Variants in SVIL observed in about 807,000 individuals in gnomAD.
SVIL encodes supervillin.
SVIL carries 101 observed loss-of-function variants against 240.4 expected under a neutral mutation model. The observed-to-expected ratio is 0.42, with a 90% CI of 0.36 to 0.50. The LOEUF (loss-of-function observed/expected upper bound fraction) is 0.50. Among genes scored for constraint, SVIL ranks in the 20% least tolerant of loss-of-function variants. The pLI is 0.01. For missense variants in SVIL, 2,512 were observed against 2,818.7 expected, an observed-to-expected ratio of 0.89 and a Z score of 2.46; for synonymous variants, 999 against 1,100.0, an observed-to-expected ratio of 0.91 and a Z score of 1.82.
At chr10:29,504,254 T>A (rs1479138458) in intron 17 of SVIL, among the ~76,000 whole-genome samples, 1 of 152,202 alleles carries the variant, frequency 6.6e-6, no homozygotes, top group Non-Finnish European at 1.5e-5. Context: ...GAATATTACA[T>A]AGGAAGAAAT....
intron 1 of SVIL, among the ~76,000 whole-genome samples, chr10:29,598,154 C>G (rs1804297818): frequency 1.3e-5 from 2 of 152,038 alleles, no homozygotes; most frequent in African/African-American, 4.8e-5. Flanking sequence ...ACTGTATGAT[C>G]CCACATAATG....
intron 1 of SVIL, among the ~76,000 whole-genome samples, chr10:29,578,701 C>T (rs949481008): frequency 1.3e-5 from 2 of 152,204 alleles, no homozygotes; most frequent in African/African-American, 2.4e-5. Context: ...ACGTGATGCA[C>T]ACTTCCGGGT....
chr10:29,686,467 C>G (rs769400186), intron 2 of SVIL: 1 of 152,220 alleles, frequency 6.6e-6, no homozygotes, highest in Non-Finnish European at 1.5e-5. Context: ...CAGAAAATGT[C>G]TAAAACTCTC....
In SVIL at chr10:29,532,059, G is replaced by A. The variant is rs1157998860; in HGVS notation, c.1952C>T (p.Thr651Ile). ...AGGTTGGGTTCTAAATCTCTCGGAA[G>A]TTTTTCTACTTTCACCAGGAGAAAA... ...RYFSPGESRK[T>I]SERFRTQPIT... Residue 651 changes from threonine to isoleucine, a missense_variant, in exon 9 of 38, where the codon ACT (threonine) becomes ATT (isoleucine). This residue lies in a region of SVIL where 1,443 missense variants were observed against 1,486.6 expected (regional missense o/e 0.97). Coordinates refer to ENST00000355867, the MANE Select transcript of SVIL (RefSeq NM_021738.3). 1.2e-6 allele frequency: 2 copies of A among 1,614,034 alleles called. No individual in the cohort carries two copies. Among genetic ancestry groups the A allele is most frequent in the Non-Finnish European group, 8.5e-7 (1 of 1,180,008 alleles).
At chr10:29,734,357 A>G (rs2132726654) in intron 1 of SVIL, among the ~76,000 whole-genome samples, 1 of 152,268 alleles carries the variant, frequency 6.6e-6, no homozygotes, top group African/African-American at 2.4e-5. Context: ...TACAGCACAC[A>G]CCCAGCAGTC....
At chr10:29,644,574 T>C (rs1958594706) in intron 3 of SVIL, among the ~76,000 whole-genome samples, 1 of 151,916 alleles carries the variant, frequency 6.6e-6, no homozygotes, top group South Asian at 2.1e-4. Flanking sequence ...AATAATTCTA[T>C]AAAACGGAAC....
At chr10:29,490,124 C>T (rs1340784017) in intron 22 of SVIL, among the ~76,000 whole-genome samples, 1 of 152,064 alleles carries the variant, frequency 6.6e-6, no homozygotes, top group African/African-American at 2.4e-5. Context: ...CCCATCTCCT[C>T]GCCTCCATTC....
upstream of SVIL, among the ~76,000 whole-genome samples, chr10:29,639,469 CT>C (rs138064127): frequency 0.45 from 55,699 of 125,132 alleles, 11,675 homozygotes; most frequent in African/African-American, 0.56. Flanking sequence ...GCGCCTGGCC[CT>C]TTTTTTTTTT....
intron 2 of SVIL, among the ~76,000 whole-genome samples, chr10:29,679,925 G>A (rs1158746435): frequency 6.6e-6 from 1 of 151,612 alleles, no homozygotes; most frequent in Non-Finnish European, 1.5e-5. Flanking sequence ...GCTCACACCT[G>A]TAATCCCAGC....
chr10:29,648,440 T>C (rs1318438650), intron 3 of SVIL, among the ~76,000 whole-genome samples: 1 of 152,170 alleles, frequency 6.6e-6, no homozygotes, highest in African/African-American at 2.4e-5. Flanking sequence ...TACTCTTCCA[T>C]AAAATGATGG....
At chr10:29,485,626 T>G (rs540804439) in intron 26 of SVIL, among the ~76,000 whole-genome samples, 37 of 152,330 alleles carry the variant, frequency 2.4e-4, no homozygotes, top group African/African-American at 7.9e-4. Context: ...TCTTCCACTT[T>G]CTCAACACTT....
chr10:29,618,561 A>C (rs1044580160), intron 1 of SVIL, among the ~76,000 whole-genome samples: 2 of 152,130 alleles, frequency 1.3e-5, no homozygotes, highest in African/African-American at 4.8e-5. Context: ...CCACCTTCAA[A>C]GCCCAAATGC....
intron 29 of SVIL, among the ~76,000 whole-genome samples, chr10:29,476,025 C>A (rs1204409965): frequency 6.6e-6 from 1 of 152,126 alleles, no homozygotes; most frequent in Non-Finnish European, 1.5e-5. Context: ...TAAGCACAGT[C>A]TTTTGTACCA....
chr10:29,489,086 T>C (rs1371396214), intron 22 of SVIL, among the ~76,000 whole-genome samples: 1 of 152,234 alleles, frequency 6.6e-6, no homozygotes, highest in East Asian at 1.9e-4. Context: ...TGAAAGCTGT[T>C]CTAAATCCTA....
chr10:29,561,640 A>T (rs1954484319), intron 3 of SVIL, among the ~76,000 whole-genome samples: 1 of 149,836 alleles, frequency 6.7e-6, no homozygotes, highest in African/African-American at 2.5e-5. Context: ...GAGCCATTCC[A>T]TCTGACAGCC....
rs1451048962 is a variant in SVIL, at chr10:29,462,302, T to A, written c.6377A>T (p.Glu2126Val). The A allele has an allele frequency of 2.5e-6, 4 of 1,614,078 alleles. No individual in the cohort carries two copies. The highest frequency in any genetic ancestry group is 3.4e-6 in the Non-Finnish European group (4 of 1,180,038). ...TNMFPSWEHR[E>V]DIAEITEMDT... Reference sequence around the variant, plus strand: ...CATCTCTGTGATCTCAGCGATGTCCTCTCTGTGCTCCCAGCTGGGAAACAT... The same window carrying A: ...CATCTCTGTGATCTCAGCGATGTCCACTCTGTGCTCCCAGCTGGGAAACAT... Residue 2126 changes from glutamate (E) to valine (V), a missense_variant, in exon 36 of 38, where the codon GAG becomes GTG. Glu to Val is a moderately radical substitution (Grantham distance 121, BLOSUM62 -2). Coordinates refer to ENST00000355867, the MANE Select transcript of SVIL (RefSeq NM_021738.3).
chr10:29,481,659 G>C lies in SVIL; in HGVS notation c.5025C>G (p.Phe1675Leu). The C allele has an allele frequency of 6.2e-7, 1 of 1,613,122 alleles. No homozygotes were observed. ...RLTEHNETILFKEKFLDWTEL... is the reference protein window; with the variant it reads ...RLTEHNETILLKEKFLDWTEL... ...CCGTCCAATCCAGAAACTTCTCTTT[G>C]AACAAAATCGTCTCATTGTGTTCAG... Residue 1675 changes from phenylalanine (F) to leucine (L), a missense_variant, in exon 28 of 38, where the codon TTC (phenylalanine) becomes TTG (leucine). Around this residue, in one of 3 missense-constraint regions of SVIL, gnomAD observed 797 missense variants for 925.3 expected, o/e 0.86. Transcript: ENST00000355867.
intron 1 of SVIL, among the ~76,000 whole-genome samples, chr10:29,574,329 G>A (rs932941742): frequency 6.6e-6 from 1 of 152,164 alleles, no homozygotes; most frequent in African/African-American, 2.4e-5. Flanking sequence ...AGCATGTCAT[G>A]TAACATGGTC....
chr10:29,565,145 T>C (rs917991277), intron 2 of SVIL, among the ~76,000 whole-genome samples: 1 of 152,216 alleles, frequency 6.6e-6, no homozygotes, highest in African/African-American at 2.4e-5. Flanking sequence ...GCGGTACAAA[T>C]GCTATATCTT....
Sources: gnomAD v4.1 joint callset for allele counts (sites outside exome capture counted in the v4.1 genomes callset) on GRCh38, gnomAD v4.1.1 for gene constraint, gnomAD v4.1.1 regional missense constraint, MANE v1.5 for transcripts, NCBI Gene and HGNC (gene_info 2026-07-23, HGNC 2026-07-21) for gene names.